The following MOB3B variants were observed in gnomAD, a reference collection of about 807,000 sequenced individuals.
MOB3B encodes the protein MOB kinase activator 3B.
A neutral mutation model predicts 18.7 loss-of-function variants in MOB3B; 7 were observed. The observed-to-expected ratio is 0.37, with a 90% CI of 0.21 to 0.70. The LOEUF is 0.70. Among genes scored for constraint, MOB3B ranks in the 30% least tolerant of loss-of-function variants. MOB3B has a pLI of 0.52. For missense variants in MOB3B, 253 were observed against 281.3 expected (o/e 0.90, Z 0.72); for synonymous variants, 111 against 99.9 (o/e 1.11, Z -0.66).
intron 2 of MOB3B, chr9:27,421,291 C>T (rs1219522935): frequency 6.6e-6 from 1 of 152,174 alleles, no homozygotes; most frequent in African/African-American, 2.4e-5. Flanking sequence ...GGGGTTTCAT[C>T]ATATTGGTCA....
intron 1 of MOB3B, among the ~76,000 whole-genome samples, chr9:27,455,962 T>C (rs1822863179): frequency 6.6e-6 from 1 of 152,206 alleles, no homozygotes; most frequent in African/African-American, 2.4e-5. Context: ...CTTGTTTTGT[T>C]CATGGCCTTT....
At chr9:27,375,219 C>T (rs1199962724) in intron 2 of MOB3B, among the ~76,000 whole-genome samples, 1 of 152,240 alleles carries the variant, frequency 6.6e-6, no homozygotes, top group Admixed American at 6.5e-5. Context: ...GTACCTCATA[C>T]TTGCAGCTTC....
At chr9:27,375,520 A>C (rs1821477410) in intron 2 of MOB3B, among the ~76,000 whole-genome samples, 1 of 152,184 alleles carries the variant, frequency 6.6e-6, no homozygotes, top group African/African-American at 2.4e-5. Context: ...ACATTGCTAA[A>C]TTCCCTTTAC....
At chr9:27,488,914 A>G (rs1412507215) in intron 1 of MOB3B, among the ~76,000 whole-genome samples, 1 of 152,220 alleles carries the variant, frequency 6.6e-6, no homozygotes, top group Non-Finnish European at 1.5e-5. Flanking sequence ...ATAGGGCTAT[A>G]CCATTACATG....
rs1034341054 is a variant in MOB3B at position 27,465,055 on chromosome 9, A to G, written c.-198-9307T>C. On this transcript the variant is annotated intron_variant, in intron 1 of 3. Transcript: ENST00000262244. ...TTTCAAAACCAATCATGCCTTCCCA[A>G]CAGTCACCCAAAGTCTTAACTCATT... Among the ~76,000 whole-genome samples the G allele has an allele frequency of 1.7e-4, 26 of 152,142 alleles. 1 individual carries two copies. Among genetic ancestry groups the G allele is most frequent in the Non-Finnish European group, 4.4e-5 (3 of 68,022 alleles).
At chr9:27,381,143 C>G (rs911674261) in intron 2 of MOB3B, among the ~76,000 whole-genome samples, 3 of 152,020 alleles carry the variant, frequency 2.0e-5, no homozygotes, top group African/African-American at 7.2e-5. Context: ...GTGGAAGGAG[C>G]AAGGAATCCT....
chr9:27,404,354 T>C (rs1821935178), intron 2 of MOB3B, among the ~76,000 whole-genome samples: 3 of 129,968 alleles, frequency 2.3e-5, no homozygotes, highest in Admixed American at 1.5e-4. Flanking sequence ...TTTCTTTTTT[T>C]TTTTTTTTTT....
intron 2 of MOB3B, among the ~76,000 whole-genome samples, chr9:27,387,942 G>A (rs1040296822): frequency 5.9e-5 from 9 of 151,680 alleles, no homozygotes; most frequent in African/African-American, 1.7e-4. Flanking sequence ...AAATGATTTT[G>A]CCCCCCACAG....
chr9:27,422,107 T>C (rs1382540825), intron 2 of MOB3B, among the ~76,000 whole-genome samples: 1 of 152,230 alleles, frequency 6.6e-6, no homozygotes, highest in Non-Finnish European at 1.5e-5. Flanking sequence ...AATACATGAA[T>C]ACGTGAATGA....
chr9:27,360,435 G>A (rs561192051), intron 2 of MOB3B, among the ~76,000 whole-genome samples: 1 of 152,336 alleles, frequency 6.6e-6, no homozygotes, highest in Non-Finnish European at 1.5e-5. Context: ...AACCTGGGAG[G>A]TGGAGGTTGC....
At position 27,498,152 on chromosome 9, in the gene MOB3B, G is replaced by A. The variant is rs111862099; in HGVS notation, c.-199+31403C>T. On this transcript the variant is annotated intron_variant, in intron 1 of 3. Coordinates refer to ENST00000262244, the MANE Select transcript of MOB3B (RefSeq NM_024761.5). ...CCAGCCCACAGAAACGCCGTGGTGC[G>A]TGTAGCCTCTATGGTGTTCTCACAC... Among the ~76,000 whole-genome samples the A allele has an allele frequency of 4.3e-3, 652 of 152,234 alleles. 5 individuals are homozygous for A. The highest frequency in any genetic ancestry group is 0.015 in the African/African-American group (625 of 41,526).
At chr9:27,422,244 C>T (rs984779199) in intron 2 of MOB3B, among the ~76,000 whole-genome samples, 9 of 152,222 alleles carry the variant, frequency 5.9e-5, no homozygotes, top group Non-Finnish European at 1.0e-4. Context: ...GAGCAATTTA[C>T]ATTTCAGCTT....
chr9:27,460,480 C>T (rs1453948347), intron 1 of MOB3B, among the ~76,000 whole-genome samples: 1 of 152,166 alleles, frequency 6.6e-6, no homozygotes, highest in African/African-American at 2.4e-5. Context: ...ATGTCTTTTG[C>T]CTCATTAGTT....
chr9:27,486,001 T>G (rs1819724263), intron 1 of MOB3B, among the ~76,000 whole-genome samples: 1 of 152,216 alleles, frequency 6.6e-6, no homozygotes, highest in South Asian at 2.1e-4. Flanking sequence ...CTGTAATGAA[T>G]GAAAGATATA....
At chr9:27,416,138 T>TTGAATTC (rs1298978837) in intron 2 of MOB3B, among the ~76,000 whole-genome samples, 1 of 152,212 alleles carries the variant, frequency 6.6e-6, no homozygotes, top group African/African-American at 2.4e-5. Context: ...ACAAGTATTA[T>TTGAATTC]TGAATTCTGA....
At chr9:27,526,222 G>A (rs936298363) in intron 1 of MOB3B, 1 of 152,198 alleles carries the variant, frequency 6.6e-6, no homozygotes, top group African/African-American at 2.4e-5. Context: ...ATAAAAGTGA[G>A]GCAAATTTCA....
At chr9:27,477,599 A>G (rs1243964527) in intron 1 of MOB3B, among the ~76,000 whole-genome samples, 1 of 152,246 alleles carries the variant, frequency 6.6e-6, no homozygotes, top group Non-Finnish European at 1.5e-5. Context: ...ATGGTTTGTG[A>G]GTGAATTAAT....
intron 2 of MOB3B, among the ~76,000 whole-genome samples, chr9:27,443,063 G>C (rs1266550140): frequency 6.6e-6 from 1 of 152,174 alleles, no homozygotes; most frequent in Non-Finnish European, 1.5e-5. Flanking sequence ...TTAAAACACA[G>C]ATTTCTGGGC....
intron 2 of MOB3B, among the ~76,000 whole-genome samples, chr9:27,409,411 T>C (rs1822032185): frequency 6.6e-6 from 1 of 152,216 alleles, no homozygotes; most frequent in African/African-American, 2.4e-5. Flanking sequence ...GAATGGTTAC[T>C]ATCAAGAAGA....
Sources: allele counts gnomAD v4.1 joint callset (sites outside exome capture counted in the v4.1 genomes callset), GRCh38; gene constraint gnomAD v4.1.1; transcripts MANE v1.5; gene names NCBI Gene and HGNC (gene_info 2026-07-23, HGNC 2026-07-21).